Variants in EIF4G3 observed in about 807,000 individuals in gnomAD.
EIF4G3 encodes the protein eIF-4-gamma 3.
EIF4G3 carries 34 observed loss-of-function variants against 186.4 expected under a neutral mutation model. The observed-to-expected ratio is 0.18, with a 90% CI of 0.14 to 0.24. The LOEUF is 0.24. EIF4G3 is among the 10% of genes least tolerant of loss of function. EIF4G3 has a pLI of 1.00. For synonymous variants in EIF4G3, 673 were observed against 679.5 expected (o/e 0.99, Z 0.15); for missense variants, 1,536 against 1,948.5 (o/e 0.79, Z 3.99).
chr1:20,894,433 C>A (rs2087205558), intron 17 of EIF4G3, among the ~76,000 whole-genome samples: 2 of 152,094 alleles, frequency 1.3e-5, no homozygotes, highest in Admixed American at 1.3e-4. Flanking sequence ...TTAGATACCA[C>A]CAATAGAAGT....
chr1:20,985,104 A>G (rs2079162679), intron 7 of EIF4G3, among the ~76,000 whole-genome samples: 1 of 152,224 alleles, frequency 6.6e-6, no homozygotes, highest in Non-Finnish European at 1.5e-5. Flanking sequence ...ATATTTTCAC[A>G]TAAACCAGCA....
intron 3 of EIF4G3, among the ~76,000 whole-genome samples, chr1:21,052,134 T>C (rs1314178478): frequency 6.6e-6 from 1 of 152,200 alleles, no homozygotes; most frequent in Non-Finnish European, 1.5e-5. Context: ...AATCAGCATG[T>C]TTTTACGTAA....
chr1:20,861,754 AT>A (rs1390004424), intron 23 of EIF4G3, among the ~76,000 whole-genome samples: 1 of 152,176 alleles, frequency 6.6e-6, no homozygotes, highest in Non-Finnish European at 1.5e-5. Flanking sequence ...TGGGCAGATC[AT>A]TTGAGGTCAG....
In EIF4G3 at chr1:20,909,646, T is replaced by G. The variant is rs190590074; in HGVS notation, c.1664-4675A>C. On this transcript the variant is annotated intron_variant, in intron 14 of 36. Coordinates refer to ENST00000602326, the MANE Select transcript of EIF4G3 (RefSeq NM_001391906.1). ...CACCTATTTAGTTTTATACTGTTTT[T>G]TTTGTTTGTTTGTTTTTGTTTTTTT... Among the ~76,000 whole-genome samples, 339 of 152,318 alleles carry G rather than the reference T, an allele frequency of 2.2e-3. 1 individual carries two copies. The highest frequency in any genetic ancestry group is 7.5e-3 in the African/African-American group (313 of 41,582).
intron 14 of EIF4G3, among the ~76,000 whole-genome samples, chr1:20,923,253 T>C (rs2094610696): frequency 6.6e-6 from 1 of 152,116 alleles, no homozygotes. Flanking sequence ...ATTAAAAAAA[T>C]AAAATGGCAA....
chr1:20,929,963 GTTA>G (rs2095216156), intron 14 of EIF4G3, among the ~76,000 whole-genome samples: 2 of 152,170 alleles, frequency 1.3e-5, no homozygotes, highest in Non-Finnish European at 2.9e-5. Context: ...TGGCAATGAA[GTTA>G]ATATTGCAAT....
At chr1:20,948,905 C>T (rs183006417) in intron 13 of EIF4G3, among the ~76,000 whole-genome samples, 26 of 133,854 alleles carry the variant, frequency 1.9e-4, no homozygotes, top group Admixed American at 1.1e-3. Flanking sequence ...GCTACTCGGG[C>T]GGCTGAGGCA....
At chr1:20,916,156 C>A (rs1272033155) in intron 14 of EIF4G3, among the ~76,000 whole-genome samples, 1 of 152,058 alleles carries the variant, frequency 6.6e-6, no homozygotes, top group Non-Finnish European at 1.5e-5. Flanking sequence ...ACACTAGAAA[C>A]TCCAAACCAT....
chr1:21,104,685 C>T (rs2096584302), intron 2 of EIF4G3, among the ~76,000 whole-genome samples: 1 of 152,134 alleles, frequency 6.6e-6, no homozygotes, highest in South Asian at 2.1e-4. Flanking sequence ...AGAACTTAAA[C>T]CATTTGACCC....
At chr1:21,075,037 C>T (rs530331628) in intron 3 of EIF4G3, among the ~76,000 whole-genome samples, 56 of 151,838 alleles carry the variant, frequency 3.7e-4, no homozygotes, top group Admixed American at 2.2e-3. Context: ...AAAAAAGAAT[C>T]GAATCTTATC....
intron 12 of EIF4G3, among the ~76,000 whole-genome samples, chr1:20,966,767 T>C (rs970148972): frequency 6.6e-6 from 1 of 152,066 alleles, no homozygotes; most frequent in Non-Finnish European, 1.5e-5. Flanking sequence ...AGCCACTGCA[T>C]CCTTTCTATG....
At chr1:21,043,930 A>C (rs2093727161) in intron 4 of EIF4G3, among the ~76,000 whole-genome samples, 1 of 152,128 alleles carries the variant, frequency 6.6e-6, no homozygotes. Flanking sequence ...AACACCTATT[A>C]GAAAAACATT....
chr1:21,171,080 T>C (rs1179274337), intron 2 of EIF4G3, among the ~76,000 whole-genome samples: 1 of 152,006 alleles, frequency 6.6e-6, no homozygotes, highest in Non-Finnish European at 1.5e-5. Context: ...CTACAGGAGA[T>C]TGAAAAATTC....
chr1:21,119,094 C>G (rs923594770), intron 2 of EIF4G3, among the ~76,000 whole-genome samples: 1 of 152,016 alleles, frequency 6.6e-6, no homozygotes, highest in Non-Finnish European at 1.5e-5. Context: ...TGAAGAGCTA[C>G]ATTAGAATTA....
At chr1:21,083,075 T>TAAAAAAAAAAAAAAAAAA (rs1553217323) in intron 3 of EIF4G3, among the ~76,000 whole-genome samples, 1 of 110,050 alleles carries the variant, frequency 9.1e-6, no homozygotes, top group Non-Finnish European at 1.8e-5. Context: ...AAAAAAAAAG[T>TAAAAAAAAAAAAAAAAAA]TTAAAAAATT....
At chr1:21,022,451 G>A (rs1439130628) in intron 4 of EIF4G3, among the ~76,000 whole-genome samples, 1 of 152,170 alleles carries the variant, frequency 6.6e-6, no homozygotes, top group African/African-American at 2.4e-5. Flanking sequence ...AATCATATGA[G>A]ACAGGTTCAG....
intron 13 of EIF4G3, among the ~76,000 whole-genome samples, chr1:20,949,398 T>C (rs1451525708): frequency 1.3e-5 from 2 of 152,188 alleles, no homozygotes; most frequent in African/African-American, 4.8e-5. Context: ...GACTATAATT[T>C]ACTAAGCACT....
chr1:20,983,330 G>T (rs889424355), intron 7 of EIF4G3, among the ~76,000 whole-genome samples: 6 of 152,130 alleles, frequency 3.9e-5, no homozygotes, highest in Non-Finnish European at 4.4e-5. Flanking sequence ...AGGAGGCAAA[G>T]TTGGTAACAT....
chr1:20,865,138 T>C lies in EIF4G3; in HGVS notation c.2747A>G (p.Lys916Arg), dbSNP rs1406699603. ...ADDDVFEKKQ[K>R]ELEAASAPEE... ...TACAGCACTGGCAGCCTCAAGTTCT[T>C]TCTGCTTCTTCTCAAAGACATCATC... The change falls in exon 21 of 37, where the codon AAA becomes AGA. Residue 916 changes from lysine (K) to arginine (R), a missense_variant. Around this residue, in one of 11 missense-constraint regions of EIF4G3, gnomAD observed 77 missense variants for 131.6 expected, o/e 0.59. Coordinates refer to ENST00000602326, the MANE Select transcript of EIF4G3 (RefSeq NM_001391906.1). 12 of 1,614,072 alleles carry C rather than the reference T, an allele frequency of 7.4e-6. No individual in the cohort carries two copies. Among genetic ancestry groups the C allele is most frequent in the African/African-American group, 1.3e-5 (1 of 74,940 alleles).
Sources: allele counts gnomAD v4.1 joint callset (sites outside exome capture counted in the v4.1 genomes callset), GRCh38; gene constraint gnomAD v4.1.1; regional missense constraint gnomAD v4.1.1; transcripts MANE v1.5; gene names NCBI Gene and HGNC (gene_info 2026-07-23, HGNC 2026-07-21).